The following LENG8 variants were observed in gnomAD, a reference collection of about 807,000 sequenced individuals.
LENG8 encodes the protein leukocyte receptor cluster (LRC) member 8.
LENG8 carries 28 observed loss-of-function variants against 102.1 expected under a neutral mutation model. The observed-to-expected ratio is 0.27, with a 90% CI of 0.20 to 0.38. The LOEUF (loss-of-function observed/expected upper bound fraction) is 0.38. LENG8 is among the 10% of genes least tolerant of loss of function. LENG8 has a pLI of 1.00. For synonymous variants in LENG8, 531 were observed against 456.7 expected, an observed-to-expected ratio of 1.16 and a Z score of -2.07; for missense variants, 1,022 against 1,113.9, an observed-to-expected ratio of 0.92 and a Z score of 1.17.
Position 54,456,306 on chromosome 19 carries a change from C to CTCCTGCTTCT in LENG8, c.1305-12_1305-3dup. 6.2e-7 allele frequency: 1 copy of CTCCTGCTTCT among 1,614,160 alleles called. No individual in the cohort carries two copies. The highest frequency in any genetic ancestry group is 8.5e-7 in the Non-Finnish European group (1 of 1,180,012). ...AGGGGGAGGCGTTTCAGGCCTGACC[C>CTCCTGCTTCT]TCCTGCTTCTTCCTGCAGTGACTCC... On this transcript the variant is annotated intron_variant, in intron 9 of 15. Transcript: ENST00000326764.
chr19:54,454,817 A>G, intron 6 of LENG8, 134 bp from the exon 7 acceptor site: 1 of 1,432,210 alleles, frequency 7.0e-7, no homozygotes. Context: ...GCTGCTCTGG[A>G]CCAGGCACAT....
intron 7 of LENG8, 132 bp from the exon 8 acceptor site, chr19:54,455,232 C>T: frequency 6.8e-7 from 1 of 1,475,894 alleles, no homozygotes; most frequent in Non-Finnish European, 9.4e-7. Context: ...TTGGGGGTTG[C>T]TGTGAGCACT....
intron 15 of LENG8, 49 bp from the exon 16 acceptor site, chr19:54,460,717 C>CAGGG: frequency 5.9e-6 from 8 of 1,360,240 alleles, no homozygotes; most frequent in Non-Finnish European, 7.7e-6. Context: ...GGGCCCTCCC[C>CAGGG]TGCCCTCCCG....
At chr19:54,452,294 A>AC in intron 3 of LENG8, 27 bp downstream of exon 3, 2 of 1,575,980 alleles carry the variant, frequency 1.3e-6, no homozygotes, top group Non-Finnish European at 1.7e-6. Flanking sequence ...GGGCTGGGGT[A>AC]CCCTGAGCCA....
chr19:54,459,960 A>C, intron 15 of LENG8: 4 of 1,213,462 alleles, frequency 3.3e-6, no homozygotes, highest in Non-Finnish European at 4.2e-6. Flanking sequence ...ATTGATACCT[A>C]ATTGGCCTTG....
In LENG8 at chr19:54,456,418, AG is replaced by A; in HGVS notation, c.1402del (p.Ala468ProfsTer40). On this transcript the variant is annotated frameshift_variant, in exon 10 of 16. Coordinates refer to ENST00000326764, the MANE Select transcript of LENG8 (RefSeq NM_052925.4). LOFTEE classifies it high-confidence loss of function. The stretch of plus-strand genomic sequence containing the variant: ...CGCCCCCTAAGGGCCGGGGCGGTCG[AG>A]GGGCCCATATGGATCGGGGCCGAGG... ...NPPPKGRGGR[G>X]AHMDRGRGRA... The A allele has an allele frequency of 1.2e-6, 2 of 1,610,022 alleles. No homozygotes were observed.
chr19:54,460,723 T>G, intron 15 of LENG8, 43 bp from the exon 16 acceptor site: 40 of 444,872 alleles, frequency 9.0e-5, no homozygotes, highest in Non-Finnish European at 1.2e-4. Context: ...TCCCCTGCCC[T>G]CCCGCCCGCC....
Position 54,461,229 on chromosome 19 carries a change from T to G in LENG8, c.*301T>G, listed in dbSNP as rs2084531856. On this transcript the variant is annotated 3_prime_UTR_variant, in exon 16 of 16. Coordinates refer to ENST00000326764, the MANE Select transcript of LENG8 (RefSeq NM_052925.4). ...CACTCCACTAATGCTGTCTCAGTGT[T>G]TTCTCTCTCTCTCTTTCGAGCTTGC... 1 of 616,922 alleles carries G rather than the reference T, an allele frequency of 1.6e-6. No individual in the cohort carries two copies. The highest frequency in any genetic ancestry group is 3.3e-5 in the East Asian group (1 of 29,894). The allele number at this position is 616,922 out of a possible 1,614,324, so 38.2% of individuals were successfully genotyped here.
chr19:54,458,201 C>T lies in LENG8; in HGVS notation c.2001C>T (p.Ile667=), dbSNP rs181928423. The change falls in exon 14 of 16, where the codon ATC becomes ATT. Residue 667 remains isoleucine, a synonymous_variant. Coordinates refer to ENST00000326764, the MANE Select transcript of LENG8 (RefSeq NM_052925.4). The part of the protein sequence containing the change: ...GNVGEFTAYR[I]LYYIFTKNSG... Reference sequence around the variant, plus strand: ...TGGGCGAGTTTACTGCCTACCGAATCCTCTACTACATCTTCACCAAGAACT... The same window carrying T: ...TGGGCGAGTTTACTGCCTACCGAATTCTCTACTACATCTTCACCAAGAACT... 41 of 1,614,230 alleles carry T rather than the reference C, an allele frequency of 2.5e-5. No homozygotes were observed. Among genetic ancestry groups the T allele is most frequent in the Middle Eastern group, 1.6e-4 (1 of 6,062 alleles).
rs1309526863 is a variant in LENG8, at chr19:54,461,417, C to T, written c.*489C>T. On this transcript the variant is annotated 3_prime_UTR_variant, in exon 16 of 16. Transcript: ENST00000326764. ...CGCCACAGACTCTTGTTCCCAGCCC[C>T]TTGGGGCCTCCGTGTTTGGGGTGGG... 4.4e-6 allele frequency: 2 copies of T among 458,588 alleles called. No individual in the cohort carries two copies. Among genetic ancestry groups the T allele is most frequent in the African/African-American group, 2.0e-5 (1 of 50,128 alleles). 28.4% of individuals were successfully genotyped at this position (458,588 alleles called of 1,614,324 possible). A position where few individuals can be genotyped will look rare whatever the true frequency, so the allele number is the denominator to read the frequency against.
chr19:54,458,080 C>G (rs760580249), intron 13 of LENG8, 23 bp from the exon 14 acceptor site: 1 of 1,612,266 alleles, frequency 6.2e-7, no homozygotes, highest in Non-Finnish European at 8.5e-7. Flanking sequence ...CTGCTCTCCT[C>G]CCTCGGTGCC....
chr19:54,456,528 G>A (rs375495833), intron 10 of LENG8, 63 bp downstream of exon 10: 3 of 1,543,280 alleles, frequency 1.9e-6, no homozygotes, highest in South Asian at 2.4e-5. Flanking sequence ...GGACCCATGG[G>A]AGAAGGAGGA....
Position 54,458,189 on chromosome 19 carries a change from T to C in LENG8, c.1989T>C (p.Thr663=). The C allele has an allele frequency of 1.2e-6, 2 of 1,614,216 alleles. No homozygotes were observed. Among genetic ancestry groups the C allele is most frequent in the East Asian group, 2.2e-5 (1 of 44,882 alleles). ...ENLPGNVGEF[T]AYRILYYIFT... ...TGCCTGGCAATGTGGGCGAGTTTAC[T>C]GCCTACCGAATCCTCTACTACATCT... The change falls in exon 14 of 16, where the codon ACT becomes ACC. Residue 663 remains threonine, a synonymous_variant. Coordinates refer to ENST00000326764, the MANE Select transcript of LENG8 (RefSeq NM_052925.4).
intron 15 of LENG8, 91 bp downstream of exon 15, chr19:54,458,612 C>G: frequency 6.3e-7 from 1 of 1,578,312 alleles, no homozygotes; most frequent in Non-Finnish European, 8.6e-7. Flanking sequence ...GCAGGCCTCC[C>G]CCAGCCCCCA....
At chr19:54,460,470 CT>C in intron 15 of LENG8, 1 of 1,321,302 alleles carries the variant, frequency 7.6e-7, no homozygotes, top group Non-Finnish European at 9.7e-7. Flanking sequence ...CATCTGGTCC[CT>C]GCCCCTCAGC....
Position 54,458,341 on chromosome 19 carries a change from C to T in LENG8, c.2060C>T (p.Thr687Ile). 5 of 1,614,078 alleles carry T rather than the reference C, an allele frequency of 3.1e-6. No homozygotes were observed. Among genetic ancestry groups the T allele is most frequent in the Non-Finnish European group, 4.2e-6 (5 of 1,179,994 alleles). The change falls in exon 15 of 16, where the codon ACA becomes ATA. Residue 687 changes from threonine to isoleucine, a missense_variant. This residue lies in a region of LENG8 where 158 missense variants were observed against 229.0 expected (regional missense o/e 0.69). Transcript: ENST00000326764. ...ATCACCACGGAGCTGGCATACCTCA[C>T]ACGAGAACTGAAGGCAGATCCTTGC... ...GDITTELAYL[T>I]RELKADPCVA...
At chr19:54,458,291 C>A in intron 14 of LENG8, 23 bp from the exon 15 acceptor site, 5 of 1,613,280 alleles carry the variant, frequency 3.1e-6, no homozygotes, top group Non-Finnish European at 4.2e-6. Context: ...CTGCTGACTT[C>A]ACCCTCTTTG....
chr19:54,459,718 G>A, intron 15 of LENG8: 1 of 1,033,504 alleles, frequency 9.7e-7, no homozygotes, highest in African/African-American at 1.7e-5. Context: ...ACTCATTCTG[G>A]AATCTAGTGT....
intron 1 of LENG8, among the ~76,000 whole-genome samples, chr19:54,450,886 C>T (rs968078117): frequency 6.6e-6 from 1 of 152,294 alleles, no homozygotes; most frequent in Middle Eastern, 3.4e-3. Flanking sequence ...TCTCAAAGTG[C>T]TGGGATTACA....
Sources: gnomAD v4.1 joint callset for allele counts (sites outside exome capture counted in the v4.1 genomes callset) on GRCh38, gnomAD v4.1.1 for gene constraint, gnomAD v4.1.1 regional missense constraint, MANE v1.5 for transcripts, NCBI Gene and HGNC (gene_info 2026-07-23, HGNC 2026-07-21) for gene names.